Variants in SENP8 observed in about 807,000 individuals in gnomAD.
SENP8 encodes sentrin-specific protease 8.
Under a neutral mutation model 14.4 loss-of-function variants are expected in SENP8, and 10 were observed. The ratio of observed to expected loss-of-function variants is 0.69; its 90% CI spans 0.43 to 1.18. SENP8 has a LOEUF of 1.18. SENP8 is among the 50% of genes most tolerant of loss of function. The probability of loss-of-function intolerance (pLI) is 0.00; values close to 1 mark genes in which losing one functional copy is unlikely to be tolerated. For missense variants in SENP8, 202 were observed against 249.4 expected (o/e 0.81, Z 1.28); for synonymous variants, 94 against 95.5 (o/e 0.98, Z 0.09).
At chr15:72,118,900 G>T (rs1409402263) in intron 1 of SENP8, among the ~76,000 whole-genome samples, 2 of 152,170 alleles carry the variant, frequency 1.3e-5, no homozygotes, top group Non-Finnish European at 2.9e-5. Context: ...CCTTTCCAGG[G>T]TGACTTTTGG....
chr15:72,120,789 C>T (rs1327444765), intron 1 of SENP8, among the ~76,000 whole-genome samples: 1 of 152,150 alleles, frequency 6.6e-6, no homozygotes, highest in Non-Finnish European at 1.5e-5. Flanking sequence ...GAAATGCCTG[C>T]AGCAACTTTA....
intron 1 of SENP8, among the ~76,000 whole-genome samples, chr15:72,131,730 T>C (rs16956577): frequency 0.036 from 5,505 of 152,296 alleles, 323 homozygotes; most frequent in African/African-American, 0.13. Flanking sequence ...ATTAACATCA[T>C]TGCTTCACTC....
At chr15:72,133,194 T>C (rs1462264323) in intron 1 of SENP8, among the ~76,000 whole-genome samples, 4 of 152,108 alleles carry the variant, frequency 2.6e-5, no homozygotes, top group Non-Finnish European at 5.9e-5. Context: ...AAATATCTAA[T>C]TGATCTCTGC....
chr15:72,128,158 A>G (rs1294600457), intron 1 of SENP8, among the ~76,000 whole-genome samples: 1 of 151,998 alleles, frequency 6.6e-6, no homozygotes, highest in Non-Finnish European at 1.5e-5. Context: ...AAACAGAGAG[A>G]GAGAGAAAGA....
upstream of SENP8, chr15:72,117,604 A>C: frequency 2.6e-6 from 1 of 389,980 alleles, no homozygotes; most frequent in Admixed American, 4.5e-5. Context: ...GGGCGGCCCG[A>C]CCGGAGCCAA....
intron 1 of SENP8, among the ~76,000 whole-genome samples, chr15:72,128,970 G>GA (rs1390336306): frequency 1.3e-5 from 2 of 151,854 alleles, no homozygotes; most frequent in Non-Finnish European, 2.9e-5. Context: ...TGAATAATTA[G>GA]AAAAAAATGA....
In SENP8 at chr15:72,139,739, T is replaced by C; in HGVS notation, c.116T>C (p.Phe39Ser). The C allele has an allele frequency of 6.2e-7, 1 of 1,614,178 alleles. No individual in the cohort carries two copies. The highest frequency in any genetic ancestry group is 8.5e-7 in the Non-Finnish European group (1 of 1,180,030). ...ATTATTGGGTTTGCGTTTGAGTACTTTGCCAACAGTCAGTTTCATGACTGC... is the reference window on the plus strand; with the variant it reads ...ATTATTGGGTTTGCGTTTGAGTACTCTGCCAACAGTCAGTTTCATGACTGC... ...DHIIGFAFEY[F>S]ANSQFHDCSD... The change falls in exon 2 of 2, where the codon TTT (phenylalanine) becomes TCT (serine). Residue 39 changes from phenylalanine (F) to serine (S), a missense_variant. Transcript: ENST00000340912.
chr15:72,141,014 C>G lies in SENP8; in HGVS notation c.*752C>G, dbSNP rs2081376081. ...TAGACTTGCTACTCTGGATTAATAACTGCTTTTCTCTGCCTTGTCTATTAG... is the reference window on the plus strand; with the variant it reads ...TAGACTTGCTACTCTGGATTAATAAGTGCTTTTCTCTGCCTTGTCTATTAG... On this transcript the variant is annotated 3_prime_UTR_variant, in exon 2 of 2. Transcript: ENST00000340912. The G allele has an allele frequency of 6.0e-6, 1 of 166,640 alleles. No homozygotes were observed. Among genetic ancestry groups the G allele is most frequent in the African/African-American group, 2.4e-5 (1 of 41,450 alleles). The allele number at this position is 166,640 out of a possible 1,614,324, so 10.3% of individuals were successfully genotyped here. A position where few individuals can be genotyped will look rare whatever the true frequency, so the allele number is the denominator to read the frequency against.
At chr15:72,130,557 A>AT (rs11411490) in intron 1 of SENP8, among the ~76,000 whole-genome samples, 63,243 of 106,020 alleles carry the variant, frequency 0.6, 20,037 homozygotes, top group Non-Finnish European at 0.7. Context: ...ATGTTTTAGG[A>AT]TTTTTTTTTT....
At chr15:72,135,807 G>A (rs1249775336) in intron 1 of SENP8, among the ~76,000 whole-genome samples, 2 of 152,224 alleles carry the variant, frequency 1.3e-5, no homozygotes, top group East Asian at 3.9e-4. Context: ...CCTTCAAGGT[G>A]AGAGATGACT....
intron 1 of SENP8, among the ~76,000 whole-genome samples, chr15:72,121,795 G>A (rs1310454116): frequency 1.3e-5 from 2 of 152,190 alleles, no homozygotes; most frequent in Non-Finnish European, 2.9e-5. Flanking sequence ...CCAGTCTAGA[G>A]TAACATACAT....
chr15:72,120,720 A>T (rs1212908202), intron 1 of SENP8, among the ~76,000 whole-genome samples: 17 of 152,382 alleles, frequency 1.1e-4, no homozygotes, highest in Non-Finnish European at 2.9e-5. Context: ...ATTAAATAAA[A>T]TCTGGCAGCA....
chr15:72,128,445 G>T (rs1195589780), intron 1 of SENP8, among the ~76,000 whole-genome samples: 1 of 152,192 alleles, frequency 6.6e-6, no homozygotes, highest in African/African-American at 2.4e-5. Context: ...TTATTAGACT[G>T]TTCCCCTGAA....
chr15:72,124,231 C>T (rs767123505), intron 1 of SENP8, among the ~76,000 whole-genome samples: 1 of 152,160 alleles, frequency 6.6e-6, no homozygotes, highest in African/African-American at 2.4e-5. Context: ...GTACTTTGCT[C>T]ACTCAGGAAA....
chr15:72,128,270 A>G (rs2081239728), intron 1 of SENP8, among the ~76,000 whole-genome samples: 1 of 152,248 alleles, frequency 6.6e-6, no homozygotes, highest in African/African-American at 2.4e-5. Flanking sequence ...ATAAGACACC[A>G]ATAAATATAT....
chr15:72,120,406 A>G (rs1167323092), intron 1 of SENP8, among the ~76,000 whole-genome samples: 1 of 152,206 alleles, frequency 6.6e-6, no homozygotes, highest in Non-Finnish European at 1.5e-5. Context: ...TGGCTAGAGC[A>G]TAGTATGGAG....
rs1361732782 is a variant in SENP8, at chr15:72,140,125, A to T, written c.502A>T (p.Ile168Leu). 6.2e-7 allele frequency: 1 copy of T among 1,614,052 alleles called. No homozygotes were observed. The highest frequency in any genetic ancestry group is 1.3e-5 in the African/African-American group (1 of 74,924). The change falls in exon 2 of 2, where the codon ATA becomes TTA. Residue 168 changes from isoleucine (I) to leucine (L), a missense_variant. Physicochemically the swap from Ile to Leu is conservative, Grantham distance 5. Coordinates refer to ENST00000340912, the MANE Select transcript of SENP8 (RefSeq NM_145204.4). The stretch of plus-strand genomic sequence containing the variant: ...CAGCTATGACTGTGGGATGTACGTG[A>T]TATGTAACACTGAGGCCTTGTGTCA... ...QNSYDCGMYVICNTEALCQNF... is the reference protein window; with the variant it reads ...QNSYDCGMYVLCNTEALCQNF...
rs750409933 is a variant in SENP8, at chr15:72,139,945, T to C, written c.322T>C (p.Tyr108His). ...AGGAACCCACTGGAGTTTATTGGTC[T>C]ACCTCCAAGATAAAAATAGCTTTTT... ...AGGTHWSLLV[Y>H]LQDKNSFFHY... Residue 108 changes from tyrosine to histidine, a missense_variant, in exon 2 of 2, where the codon TAC becomes CAC. Tyr to His is a moderately conservative substitution (Grantham distance 83, BLOSUM62 2). Transcript: ENST00000340912. The C allele has an allele frequency of 3.1e-6, 5 of 1,614,126 alleles. No homozygotes were observed. In the African/African-American group the frequency reaches 6.7e-5, roughly 22 times the overall value.
upstream of SENP8, chr15:72,117,146 C>A (rs1449218025): frequency 6.6e-6 from 1 of 152,252 alleles, no homozygotes; most frequent in Non-Finnish European, 1.5e-5. Flanking sequence ...TCTAGAGGGA[C>A]TGACACCACA....
Sources: allele counts gnomAD v4.1 joint callset (sites outside exome capture counted in the v4.1 genomes callset), GRCh38; gene constraint gnomAD v4.1.1; transcripts MANE v1.5; gene names NCBI Gene and HGNC (gene_info 2026-07-23, HGNC 2026-07-21).